Variants in KCNIP1 observed in about 807,000 individuals in gnomAD.
KCNIP1 encodes the protein A-type potassium channel modulatory protein KCNIP1.
In KCNIP1, 18 loss-of-function variants were observed where a neutral mutation model predicts 33.0. The ratio of observed to expected loss-of-function variants is 0.55; its 90% confidence interval spans 0.38 to 0.81. The LOEUF (loss-of-function observed/expected upper bound fraction) is 0.81, where lower values mean the gene tolerates loss of function less well. KCNIP1 is among the 30% of genes least tolerant of loss of function. The probability of loss-of-function intolerance (pLI) is 0.00; values close to 1 mark genes in which losing one functional copy is unlikely to be tolerated. For synonymous variants in KCNIP1, 93 were observed against 98.3 expected, an observed-to-expected ratio of 0.95 and a Z score of 0.32; for missense variants, 238 against 271.6, an observed-to-expected ratio of 0.88 and a Z score of 0.87.
At chr5:170,463,561 GA>G (rs1361015659) in intron 1 of KCNIP1, among the ~76,000 whole-genome samples, 2 of 151,884 alleles carry the variant, frequency 1.3e-5, no homozygotes, top group East Asian at 1.9e-4. Context: ...ATAGAAAAGA[GA>G]AAAAAACACA....
At chr5:170,642,230 A>G (rs1297588256) in intron 1 of KCNIP1, 2 of 152,664 alleles carry the variant, frequency 1.3e-5, no homozygotes, top group South Asian at 2.1e-4. Context: ...TGCTGGGGAC[A>G]TGCCGGGAGC....
chr5:170,385,569 A>G (rs986510058), intron 1 of KCNIP1: 8 of 1,092,856 alleles, frequency 7.3e-6, no homozygotes, highest in Admixed American at 2.1e-5. Context: ...TCAACTATTA[A>G]TATCACTCTT....
rs1764014509 is a variant in KCNIP1, at chr5:170,376,552, G to A, written c.88+22588G>A. 3.3e-5 allele frequency: 5 copies of A among 151,964 alleles called. No homozygotes were observed. In the South Asian group the frequency reaches 1.0e-3, roughly 31 times the overall value. The allele number at this position is 151,964 out of a possible 1,614,324, so 9.4% of individuals were successfully genotyped here. A position where few individuals can be genotyped will look rare whatever the true frequency, so the allele number is the denominator to read the frequency against. ...CCTCCAATAGGCCTCAGTGTGTGTT[G>A]TTCCCCTCTTTGTGTCCATGTGTTT... is the stretch of plus-strand genomic sequence containing the variant. On this transcript the variant is annotated intron_variant, in intron 1 of 7. Transcript: ENST00000377360.
intron 1 of KCNIP1, among the ~76,000 whole-genome samples, chr5:170,647,818 A>G (rs1194197376): frequency 2.6e-5 from 4 of 152,344 alleles, no homozygotes; most frequent in African/African-American, 9.6e-5. Context: ...GTAAAAGGCA[A>G]TGTTAAGAGA....
intron 1 of KCNIP1, among the ~76,000 whole-genome samples, chr5:170,551,748 C>T (rs536602944): frequency 7.3e-5 from 11 of 150,390 alleles, no homozygotes; most frequent in Non-Finnish European, 1.0e-4. Flanking sequence ...TGTGTATATG[C>T]GTGTGTGTGT....
chr5:170,472,751 C>T (rs964580566), intron 1 of KCNIP1, among the ~76,000 whole-genome samples: 2 of 152,272 alleles, frequency 1.3e-5, no homozygotes, highest in Non-Finnish European at 1.5e-5. Context: ...ACTACAAATG[C>T]TGATAATTCA....
At chr5:170,479,459 G>A (rs1302768466) in intron 1 of KCNIP1, among the ~76,000 whole-genome samples, 2 of 152,120 alleles carry the variant, frequency 1.3e-5, no homozygotes, top group East Asian at 3.8e-4. Flanking sequence ...AGTGCCTATC[G>A]ATGCTTAATA....
Position 170,571,737 on chromosome 5 carries a change from T to C in KCNIP1, c.61+67104T>C, listed in dbSNP as rs148853385. ...GTAGACAATGGCTGAGTGAGTTATG[T>C]CAATAATGGGACCGTGCTTAAATGT... is the stretch of plus-strand genomic sequence containing the variant. On this transcript the variant is annotated intron_variant, in intron 1 of 7. Coordinates refer to ENST00000328939, the MANE Select transcript of KCNIP1 (RefSeq NM_014592.4). 8.0e-3 allele frequency among the ~76,000 whole-genome samples: 1,224 copies of C among 152,294 alleles called. 60 individuals carry two copies. The highest frequency in any genetic ancestry group is 0.069 in the Admixed American group (1,051 of 15,298).
chr5:170,354,831 A>G (rs1342592367), intron 1 of KCNIP1, among the ~76,000 whole-genome samples: 2 of 152,006 alleles, frequency 1.3e-5, no homozygotes, highest in African/African-American at 4.9e-5. Context: ...GGAGAGCAGC[A>G]GCATGATGTG....
chr5:170,494,089 C>T (rs1437206818), intron 1 of KCNIP1, among the ~76,000 whole-genome samples: 2 of 152,214 alleles, frequency 1.3e-5, no homozygotes, highest in Non-Finnish European at 2.9e-5. Context: ...GCCCCAGTCT[C>T]AGGTCTGCAG....
At chr5:170,621,044 C>G (rs2221441) in intron 1 of KCNIP1, among the ~76,000 whole-genome samples, 83,482 of 151,994 alleles carry the variant, frequency 0.55, 25,605 homozygotes, top group African/African-American at 0.83. Flanking sequence ...GCAAGATAGG[C>G]CCCAGAAAGA....
chr5:170,553,367 CAGA>C (rs1756726001), intron 1 of KCNIP1, among the ~76,000 whole-genome samples: 1 of 152,232 alleles, frequency 6.6e-6, no homozygotes, highest in East Asian at 1.9e-4. Context: ...ATAGCCACTT[CAGA>C]AGGTCAGAAC....
chr5:170,475,215 C>T (rs1043004809), intron 1 of KCNIP1, among the ~76,000 whole-genome samples: 2 of 152,226 alleles, frequency 1.3e-5, no homozygotes, highest in African/African-American at 2.4e-5. Context: ...AGTCCCCACC[C>T]GACCCAGAAG....
intron 1 of KCNIP1, among the ~76,000 whole-genome samples, chr5:170,367,056 C>T (rs1219453508): frequency 1.3e-5 from 2 of 152,110 alleles, no homozygotes; most frequent in South Asian, 2.1e-4. Context: ...CGGTGGCTCA[C>T]GCCTGTAATC....
chr5:170,387,637 G>A (rs1307370576), intron 1 of KCNIP1, among the ~76,000 whole-genome samples: 1 of 152,146 alleles, frequency 6.6e-6, no homozygotes, highest in African/African-American at 2.4e-5. Flanking sequence ...AGCAGAAATT[G>A]CCCCCGACAA....
At position 170,624,957 on chromosome 5, in the gene KCNIP1, A is replaced by G. The variant is rs563281220; in HGVS notation, c.62-93801A>G. ...ACTGGAATGTTCTCCAGCATGGCAC[A>G]TGGTCATCCAGATGCAGGCTCTTCC... is the stretch of plus-strand genomic sequence containing the variant. On this transcript the variant is annotated intron_variant, in intron 1 of 7. Transcript: ENST00000328939. Among the ~76,000 whole-genome samples the G allele has an allele frequency of 5.3e-5, 8 of 152,258 alleles. No homozygotes were observed. In the East Asian group the frequency reaches 1.5e-3, roughly 29 times the overall value.
At chr5:170,516,682 A>C (rs1414280733) in intron 1 of KCNIP1, among the ~76,000 whole-genome samples, 1 of 152,192 alleles carries the variant, frequency 6.6e-6, no homozygotes, top group Non-Finnish European at 1.5e-5. Context: ...AGAGAAAAAG[A>C]TATGGTGTGT....
chr5:170,650,324 A>T (rs1760992400), intron 1 of KCNIP1, among the ~76,000 whole-genome samples: 1 of 151,728 alleles, frequency 6.6e-6, no homozygotes, highest in Admixed American at 6.6e-5. Context: ...CCCACCTTCC[A>T]TCCCTCCCAC....
At chr5:170,692,675 G>A (rs180787069) in intron 1 of KCNIP1, among the ~76,000 whole-genome samples, 2 of 152,320 alleles carry the variant, frequency 1.3e-5, no homozygotes, top group African/African-American at 2.4e-5. Flanking sequence ...GGTAAATGGA[G>A]ATTGACAAAT....
Sources: allele counts gnomAD v4.1 joint callset (sites outside exome capture counted in the v4.1 genomes callset), GRCh38; gene constraint gnomAD v4.1.1; transcripts MANE v1.5; gene names NCBI Gene and HGNC (gene_info 2026-07-23, HGNC 2026-07-21).